The following COG5 variants were observed in gnomAD, a reference collection of about 807,000 sequenced individuals.
COG5 encodes the protein component of oligomeric golgi complex 5, also known as conserved oligomeric Golgi complex subunit 5.
COG5 carries 86 observed loss-of-function variants against 110.4 expected under a neutral mutation model. The ratio of observed to expected loss-of-function variants is 0.78; its 90% CI spans 0.65 to 0.93. COG5 has a LOEUF of 0.93. COG5 is among the 40% of genes least tolerant of loss of function. The pLI, the probability that COG5 is intolerant of heterozygous loss-of-function variation, is 0.00. For missense variants in COG5, 1,077 were observed against 987.0 expected, an observed-to-expected ratio of 1.09 and a Z score of -1.22; for synonymous variants, 360 against 334.6, an observed-to-expected ratio of 1.08 and a Z score of -0.83.
At chr7:107,536,643 C>T (rs568714641) in intron 5 of COG5, among the ~76,000 whole-genome samples, 6 of 152,216 alleles carry the variant, frequency 3.9e-5, no homozygotes, top group Non-Finnish European at 4.4e-5. Flanking sequence ...ACATTCCATG[C>T]TCATGGATAG....
At chr7:107,348,864 C>CTT (rs540887692) in intron 10 of COG5, among the ~76,000 whole-genome samples, 6 of 144,662 alleles carry the variant, frequency 4.1e-5, no homozygotes, top group African/African-American at 1.0e-4. Flanking sequence ...TAGAATTTTT[C>CTT]TTTTTTTTTT....
At chr7:107,501,213 T>G (rs910488269) in intron 6 of COG5, among the ~76,000 whole-genome samples, 1 of 151,968 alleles carries the variant, frequency 6.6e-6, no homozygotes, top group African/African-American at 2.4e-5. Flanking sequence ...TAAGACACAT[T>G]TTTTTCAAAT....
At chr7:107,454,626 C>G (rs965168125) in intron 6 of COG5, among the ~76,000 whole-genome samples, 1 of 152,124 alleles carries the variant, frequency 6.6e-6, no homozygotes, top group African/African-American at 2.4e-5. Flanking sequence ...CCCATAGTAT[C>G]ATAAGAAAAA....
chr7:107,389,412 C>T (rs1790451614), intron 7 of COG5, among the ~76,000 whole-genome samples: 2 of 152,218 alleles, frequency 1.3e-5, no homozygotes, highest in African/African-American at 4.8e-5. Flanking sequence ...GGTTTTAACC[C>T]TTACTGTGTA....
intron 5 of COG5, among the ~76,000 whole-genome samples, chr7:107,547,056 G>A (rs994185616): frequency 2.6e-5 from 4 of 152,112 alleles, no homozygotes; most frequent in African/African-American, 9.7e-5. Context: ...TTCTGTTAAT[G>A]ACAAAGACAC....
chr7:107,230,746 T>G (rs1310987648), intron 18 of COG5, 55 bp from the exon 19 acceptor site: 1 of 1,357,788 alleles, frequency 7.4e-7, no homozygotes, highest in Non-Finnish European at 1.1e-6. Context: ...TAGGGGAATT[T>G]GGGAAAGACC....
intron 12 of COG5, among the ~76,000 whole-genome samples, chr7:107,295,038 TACACACACACACAC>T (rs1249923848): frequency 7.5e-5 from 4 of 53,388 alleles, no homozygotes; most frequent in Non-Finnish European, 1.4e-4. Flanking sequence ...CACACACATA[TACACACACACACAC>T]ACACACACAC....
chr7:107,417,253 A>G (rs967311331), intron 6 of COG5, among the ~76,000 whole-genome samples: 2 of 152,226 alleles, frequency 1.3e-5, no homozygotes, highest in African/African-American at 4.8e-5. Context: ...TGAGCTTAAA[A>G]GTAAATGTCT....
rs1800407647 is a variant in COG5, at chr7:107,227,252, A to G, written c.2168+3363T>C. Among the ~76,000 whole-genome samples, 3 of 152,238 alleles carry G rather than the reference A, an allele frequency of 2.0e-5. No individual in the cohort carries two copies. The South Asian group carries it at 6.2e-4, about 31-fold the overall frequency. On this transcript the variant is annotated intron_variant, in intron 19 of 21. Coordinates refer to ENST00000297135, the MANE Select transcript of COG5 (RefSeq NM_006348.5). ...ATGAAGTAAGGGTACTTACTATTTC[A>G]TGAACCATACATATGGGTGTCCATG...
chr7:107,214,756 T>C (rs566363345), intron 19 of COG5, among the ~76,000 whole-genome samples: 1 of 152,006 alleles, frequency 6.6e-6, no homozygotes, highest in East Asian at 1.9e-4. Flanking sequence ...ACCCTGTCTT[T>C]ACCAAAAGTA....
rs558693580 is a variant in COG5 at position 107,249,540 on chromosome 7, C to T, written c.1750-1041G>A. On this transcript the variant is annotated intron_variant, in intron 16 of 21. Coordinates refer to ENST00000297135, the MANE Select transcript of COG5 (RefSeq NM_006348.5). ...CAAAAATGTAAATATATTATACACA[C>T]TTCAAAGATAATATAATGAAGATAG... Among the ~76,000 whole-genome samples the T allele has an allele frequency of 1.4e-4, 21 of 152,062 alleles. No individual in the cohort carries two copies. In the East Asian group the frequency reaches 3.9e-3, roughly 28 times the overall value.
chr7:107,262,346 G>GT (rs1156589718), intron 14 of COG5, among the ~76,000 whole-genome samples: 3 of 152,106 alleles, frequency 2.0e-5, no homozygotes, highest in Non-Finnish European at 4.4e-5. Flanking sequence ...AATTTCAGCA[G>GT]TGAGTGATAT....
chr7:107,473,983 A>C (rs1172953210), intron 6 of COG5: 1 of 700,878 alleles, frequency 1.4e-6, no homozygotes, highest in Non-Finnish European at 2.4e-6. Context: ...AACACGTTAT[A>C]CGTCATTTAA....
chr7:107,230,071 G>T (rs886780290), intron 19 of COG5, among the ~76,000 whole-genome samples: 8 of 151,904 alleles, frequency 5.3e-5, no homozygotes, highest in Non-Finnish European at 1.0e-4. Context: ...GGATGGTCTT[G>T]ATCTCCTGAC....
chr7:107,298,039 T>C (rs191924609), intron 12 of COG5, 103 bp downstream of exon 12: 22 of 474,582 alleles, frequency 4.6e-5, no homozygotes, highest in African/African-American at 4.3e-4. Context: ...TTTAGAGACT[T>C]GGTATATACT....
chr7:107,341,401 C>CCATGCT (rs1187536385), intron 10 of COG5, among the ~76,000 whole-genome samples: 1 of 152,084 alleles, frequency 6.6e-6, no homozygotes, highest in Non-Finnish European at 1.5e-5. Flanking sequence ...GAAAAACTTT[C>CCATGCT]CATGCTCATG....
rs762675426 is a variant in COG5, at chr7:107,230,661, G to A, written c.2122C>T (p.Arg708Ter). 5.0e-6 allele frequency: 8 copies of A among 1,612,948 alleles called. No homozygotes were observed. The highest frequency in any genetic ancestry group is 3.3e-5 in the Admixed American group (2 of 60,006). ...TAGGACTTTCCTAAATCAGATACTC[G>A]TCTACAGAATGGACCCACAGCCAAC... ...MELAVGPFCR[R>*]VSDLGKSYRM... Residue 708 changes from arginine (R) to a stop codon, truncating the protein, a stop_gained, in exon 19 of 22, where the codon CGA (arginine) becomes TGA (stop). Coordinates refer to ENST00000297135, the MANE Select transcript of COG5 (RefSeq NM_006348.5). LOFTEE classifies it high-confidence loss of function.
intron 6 of COG5, among the ~76,000 whole-genome samples, chr7:107,526,451 C>T (rs1800754019): frequency 1.3e-5 from 2 of 152,140 alleles, no homozygotes; most frequent in African/African-American, 4.8e-5. Context: ...CTGTCAAGGT[C>T]CTGCAATAAA....
chr7:107,531,143 A>G (rs943507654), intron 5 of COG5, among the ~76,000 whole-genome samples: 3 of 151,228 alleles, frequency 2.0e-5, no homozygotes, highest in Non-Finnish European at 4.4e-5. Flanking sequence ...TTTCATTGCA[A>G]TTTGTTGAAT....
Sources: allele counts gnomAD v4.1 joint callset (sites outside exome capture counted in the v4.1 genomes callset), GRCh38; gene constraint gnomAD v4.1.1; transcripts MANE v1.5; gene names NCBI Gene and HGNC (gene_info 2026-07-23, HGNC 2026-07-21).